Variants in COL24A1 observed in about 807,000 individuals in gnomAD.
The protein encoded by COL24A1 is collagen alpha-1(XXIV) chain.
In COL24A1, 224 loss-of-function variants were observed where a neutral mutation model predicts 253.9. That is an observed-to-expected ratio of 0.88 (90% confidence interval 0.79 to 0.99). The LOEUF (loss-of-function observed/expected upper bound fraction) is 0.99. COL24A1 is among the 50% of genes least tolerant of loss of function. COL24A1 has a pLI of 0.00. For synonymous variants in COL24A1, 685 were observed against 673.7 expected (o/e 1.02, Z -0.26); for missense variants, 2,131 against 2,068.5 (o/e 1.03, Z -0.59).
At chr1:85,824,807 A>G (rs1310573585) in intron 43 of COL24A1, among the ~76,000 whole-genome samples, 1 of 151,962 alleles carries the variant, frequency 6.6e-6, no homozygotes, top group Non-Finnish European at 1.5e-5. Flanking sequence ...CCCTATTTTC[A>G]TACGTTACAG....
chr1:86,058,078 T>G, intron 9 of COL24A1, 103 bp from the exon 10 acceptor site: 1 of 872,232 alleles, frequency 1.1e-6, no homozygotes, highest in Non-Finnish European at 1.7e-6. Context: ...TTTTCAAAAC[T>G]ATAGAATTCA....
At chr1:85,967,562 G>T (rs1051485106) in intron 22 of COL24A1, among the ~76,000 whole-genome samples, 1 of 152,066 alleles carries the variant, frequency 6.6e-6, no homozygotes, top group Non-Finnish European at 1.5e-5. Flanking sequence ...TGCTATCACT[G>T]GTAATGACAA....
At chr1:85,761,287 AGG>A in intron 55 of COL24A1, 107 bp downstream of exon 55, 1 of 1,218,520 alleles carries the variant, frequency 8.2e-7, no homozygotes, top group Admixed American at 2.2e-5. Flanking sequence ...AAAAGAACAG[AGG>A]TATCCAAAAG....
At chr1:86,083,499 C>G (rs1199078236) in intron 7 of COL24A1, among the ~76,000 whole-genome samples, 3 of 152,002 alleles carry the variant, frequency 2.0e-5, no homozygotes, top group African/African-American at 7.2e-5. Flanking sequence ...CAGAATTTAT[C>G]TGAGGAAGAA....
At chr1:86,093,869 C>G (rs1703692315) in intron 5 of COL24A1, among the ~76,000 whole-genome samples, 1 of 151,970 alleles carries the variant, frequency 6.6e-6, no homozygotes, top group South Asian at 2.1e-4. Context: ...ATAAATGCAG[C>G]CAACAAGCAT....
intron 20 of COL24A1, among the ~76,000 whole-genome samples, chr1:85,982,227 G>C (rs1206938923): frequency 6.6e-6 from 1 of 151,992 alleles, no homozygotes; most frequent in African/African-American, 2.4e-5. Context: ...TAAACTCATA[G>C]AAGCAAAAAA....
At chr1:86,119,120 T>C (rs963290178) in intron 3 of COL24A1, among the ~76,000 whole-genome samples, 4 of 152,136 alleles carry the variant, frequency 2.6e-5, no homozygotes, top group Admixed American at 6.5e-5. Flanking sequence ...TTTTGCAGAC[T>C]ACTCTCCCTC....
intron 43 of COL24A1, among the ~76,000 whole-genome samples, chr1:85,830,213 G>T (rs1255101318): frequency 6.6e-6 from 1 of 152,088 alleles, no homozygotes; most frequent in African/African-American, 2.4e-5. Context: ...CTGCTGGGGG[G>T]TGCCTCCCAG....
intron 19 of COL24A1, among the ~76,000 whole-genome samples, chr1:86,014,137 A>G (rs1227057319): frequency 6.6e-6 from 1 of 152,212 alleles, no homozygotes; most frequent in African/African-American, 2.4e-5. Context: ...ATGAATTTGT[A>G]TATAAGTTGT....
chr1:85,946,413 G>A (rs1282398210), intron 24 of COL24A1, among the ~76,000 whole-genome samples: 1 of 152,076 alleles, frequency 6.6e-6, no homozygotes, highest in Non-Finnish European at 1.5e-5. Flanking sequence ...TGAGTCATGT[G>A]AGTCTTACTA....
intron 12 of COL24A1, among the ~76,000 whole-genome samples, chr1:86,040,282 C>A (rs1699364295): frequency 6.6e-6 from 1 of 151,928 alleles, no homozygotes; most frequent in African/African-American, 2.4e-5. Context: ...ATTTTGATAA[C>A]CTACAAGGCT....
At position 86,017,212 on chromosome 1, in the gene COL24A1, G is replaced by T. The variant is rs757339745; in HGVS notation, c.2257-8C>A. 12 of 1,528,718 alleles carry T rather than the reference G, an allele frequency of 7.8e-6. No individual in the cohort carries two copies. The highest frequency in any genetic ancestry group is 7.0e-5 in the Admixed American group (3 of 43,136). 94.7% of individuals were successfully genotyped at this position (1,528,718 alleles called of 1,614,324 possible). A position where few individuals can be genotyped will look rare whatever the true frequency, so the allele number is the denominator to read the frequency against. ...TGGGTCACCTGTTTGGCCCTAAAAT[G>T]GGGGGGGAGGATCAAAGTATAAACA... On this transcript the variant is annotated splice_polypyrimidine_tract_variant and splice_region_variant and intron_variant, in intron 18 of 59. Coordinates refer to ENST00000370571, the MANE Select transcript of COL24A1 (RefSeq NM_152890.7).
intron 47 of COL24A1, among the ~76,000 whole-genome samples, chr1:85,804,636 G>T (rs1444352318): frequency 6.6e-6 from 1 of 152,102 alleles, no homozygotes; most frequent in African/African-American, 2.4e-5. Flanking sequence ...CTTGTGCAGG[G>T]CAACTCCCGT....
chr1:86,023,382 C>G (rs974598275), intron 14 of COL24A1, among the ~76,000 whole-genome samples: 1 of 152,074 alleles, frequency 6.6e-6, no homozygotes, highest in South Asian at 2.1e-4. Flanking sequence ...ATTTGATTGT[C>G]TTAGAGTTTT....
intron 53 of COL24A1, among the ~76,000 whole-genome samples, chr1:85,767,831 G>A (rs72950609): frequency 0.02 from 3,119 of 152,246 alleles, 101 homozygotes; most frequent in African/African-American, 0.071. Flanking sequence ...ACTGGAAATA[G>A]TGTTTCACTT....
At chr1:85,805,245 G>A (rs971293614) in intron 47 of COL24A1, among the ~76,000 whole-genome samples, 13 of 152,154 alleles carry the variant, frequency 8.5e-5, no homozygotes, top group African/African-American at 2.9e-4. Flanking sequence ...AATATTCAAG[G>A]TCACTTGCAT....
In COL24A1 at chr1:86,125,209, T is replaced by C; in HGVS notation, c.1127A>G (p.Asn376Ser). The change falls in exon 3 of 60, where the codon AAT (asparagine) becomes AGT (serine). Residue 376 changes from asparagine (N) to serine (S), a missense_variant. By Grantham distance (46) the Asn-to-Ser change is conservative. Coordinates refer to ENST00000370571, the MANE Select transcript of COL24A1 (RefSeq NM_152890.7). ...TACTCTATCATCATGTTGTGTGATA[T>C]TGTCAGACATGTTTAGGAGAGAGCT... The part of the protein sequence containing the change: ...KFSSLLNMSD[N>S]ITQHDDRVTG... 2 of 1,613,596 alleles carry C rather than the reference T, an allele frequency of 1.2e-6. No homozygotes were observed. Among genetic ancestry groups the C allele is most frequent in the Non-Finnish European group, 8.5e-7 (1 of 1,179,744 alleles).
intron 7 of COL24A1, among the ~76,000 whole-genome samples, chr1:86,077,991 A>C (rs1232989055): frequency 1.3e-5 from 2 of 152,166 alleles, no homozygotes; most frequent in African/African-American, 2.4e-5. Flanking sequence ...ATTTTAAAAA[A>C]ATTAAAAAAA....
chr1:85,958,152 AC>A (rs1205588512), intron 24 of COL24A1, among the ~76,000 whole-genome samples: 1 of 152,182 alleles, frequency 6.6e-6, no homozygotes, highest in East Asian at 1.9e-4. Flanking sequence ...TGAAAAAAAA[AC>A]AAATATTTAG....
Sources: allele counts gnomAD v4.1 joint callset (sites outside exome capture counted in the v4.1 genomes callset), GRCh38; gene constraint gnomAD v4.1.1; transcripts MANE v1.5; gene names NCBI Gene and HGNC (gene_info 2026-07-23, HGNC 2026-07-21).